GALNT13: variants seen among roughly 807,000 people sequenced by gnomAD.
The protein encoded by GALNT13 is polypeptide N-acetylgalactosaminyltransferase 13.
In GALNT13, 28 loss-of-function variants were observed where a neutral mutation model predicts 64.2. The observed-to-expected ratio is 0.44, with a 90% CI of 0.32 to 0.60. GALNT13 has a LOEUF of 0.60. Among genes scored for constraint, GALNT13 ranks in the 20% least tolerant of loss-of-function variants. The pLI is 0.05. For synonymous variants in GALNT13, 214 were observed against 224.6 expected, an observed-to-expected ratio of 0.95 and a Z score of 0.42; for missense variants, 577 against 669.8, an observed-to-expected ratio of 0.86 and a Z score of 1.53.
At chr2:153,558,209 A>G in the GALNT13 span, among the ~76,000 whole-genome samples, 1 of 152,152 alleles carries the variant, frequency 6.6e-6, no homozygotes, top group Non-Finnish European at 1.5e-5. Context: ...GTATAACCTA[A>G]CCCTCGGTGC....
At chr2:154,313,191 A>G (rs1279734304) in intron 9 of GALNT13, among the ~76,000 whole-genome samples, 3 of 150,216 alleles carry the variant, frequency 2.0e-5, no homozygotes, top group Admixed American at 1.3e-4. Flanking sequence ...GTTCTAGCAT[A>G]TATGTACACA....
At chr2:153,867,052 T>G (rs961737374), upstream of GALNT13, among the ~76,000 whole-genome samples, 1 of 152,242 alleles carries the variant, frequency 6.6e-6, no homozygotes, top group African/African-American at 2.4e-5. Context: ...CCGTGCATTA[T>G]AAGAACAGTC....
intron 3 of GALNT13, among the ~76,000 whole-genome samples, chr2:154,074,675 G>A (rs1289241329): frequency 6.6e-6 from 1 of 151,860 alleles, no homozygotes; most frequent in East Asian, 1.9e-4. Context: ...GAACATAAAT[G>A]TAAAAATCCT....
the GALNT13 span, among the ~76,000 whole-genome samples, chr2:153,581,493 T>C: frequency 6.6e-6 from 1 of 152,128 alleles, no homozygotes; most frequent in South Asian, 2.1e-4. Context: ...ATATATTTTT[T>C]TAAATTGGCA....
chr2:154,382,763 A>G (rs991022777), intron 9 of GALNT13, among the ~76,000 whole-genome samples: 15 of 149,890 alleles, frequency 1.0e-4, no homozygotes, highest in Non-Finnish European at 1.8e-4. Flanking sequence ...CTTTCAATCC[A>G]CAAATAACAT....
At chr2:153,406,127 C>T in the GALNT13 span, among the ~76,000 whole-genome samples, 2 of 152,150 alleles carry the variant, frequency 1.3e-5, no homozygotes, top group African/African-American at 4.8e-5. Context: ...CACTGGAATA[C>T]AGAGGAACAC....
the GALNT13 span, among the ~76,000 whole-genome samples, chr2:153,122,814 AC>A: frequency 2.0e-5 from 3 of 151,258 alleles, no homozygotes; most frequent in East Asian, 1.9e-4. Context: ...GTTTAATTAT[AC>A]CCCCTCCCCC....
At chr2:153,082,573 TTATATATATATATA>T in the GALNT13 span, among the ~76,000 whole-genome samples, 579 of 40,458 alleles carry the variant, frequency 0.014, 5 homozygotes, top group African/African-American at 0.016. Context: ...TTAGGCTGGT[TTATATATATATATA>T]TATATATATA....
intron 3 of GALNT13, among the ~76,000 whole-genome samples, chr2:153,988,037 CA>C (rs1163177168): frequency 2.0e-5 from 3 of 148,886 alleles, no homozygotes; most frequent in African/African-American, 7.4e-5. Flanking sequence ...TAATTGTATA[CA>C]TTTGAGGGTA....
At chr2:154,085,450 G>A (rs1471199151) in intron 3 of GALNT13, among the ~76,000 whole-genome samples, 1 of 151,954 alleles carries the variant, frequency 6.6e-6, no homozygotes, top group Admixed American at 6.6e-5. Context: ...ACAAATTGGG[G>A]AAAACACAGA....
the GALNT13 span, among the ~76,000 whole-genome samples, chr2:153,753,978 G>A: frequency 2.6e-5 from 4 of 152,274 alleles, no homozygotes; most frequent in Admixed American, 6.5e-5. Flanking sequence ...GAGGAGCCTC[G>A]CCTCATGGCC....
the GALNT13 span, among the ~76,000 whole-genome samples, chr2:153,647,941 C>T: frequency 6.6e-6 from 1 of 152,108 alleles, no homozygotes; most frequent in Non-Finnish European, 1.5e-5. Context: ...ATTGAATTGG[C>T]AATGTGGGCT....
chr2:153,535,463 T>C, the GALNT13 span, among the ~76,000 whole-genome samples: 1 of 152,102 alleles, frequency 6.6e-6, no homozygotes, highest in African/African-American at 2.4e-5. Flanking sequence ...GCAGGGCATG[T>C]ATGAGTAGTT....
chr2:153,523,121 A>G, the GALNT13 span, among the ~76,000 whole-genome samples: 1 of 131,188 alleles, frequency 7.6e-6, no homozygotes, highest in African/African-American at 3.1e-5. Flanking sequence ...TTCTCCTTTC[A>G]ATTGCGTTGG....
the GALNT13 span, among the ~76,000 whole-genome samples, chr2:153,288,137 G>A: frequency 6.6e-6 from 1 of 152,160 alleles, no homozygotes; most frequent in Admixed American, 6.5e-5. Flanking sequence ...ATGGATCCTA[G>A]AGATAGAGCC....
intron 4 of GALNT13, among the ~76,000 whole-genome samples, chr2:154,172,597 C>T (rs770150235): frequency 3.9e-5 from 6 of 151,978 alleles, no homozygotes; most frequent in Non-Finnish European, 5.9e-5. Context: ...GTTCCATTCA[C>T]GTTGCTGCAA....
the GALNT13 span, among the ~76,000 whole-genome samples, chr2:153,443,331 T>C: frequency 6.6e-6 from 1 of 152,154 alleles, no homozygotes; most frequent in Admixed American, 6.6e-5. Flanking sequence ...GCTTCCTGGG[T>C]GTGTTGACAC....
the GALNT13 span, among the ~76,000 whole-genome samples, chr2:153,544,424 A>G: frequency 6.6e-6 from 1 of 152,176 alleles, no homozygotes; most frequent in Non-Finnish European, 1.5e-5. Flanking sequence ...TCATAATACA[A>G]GCATTGCATG....
At chr2:153,840,469 G>A in the GALNT13 span, among the ~76,000 whole-genome samples, 1 of 152,034 alleles carries the variant, frequency 6.6e-6, no homozygotes, top group Non-Finnish European at 1.5e-5. Flanking sequence ...TTATCATATT[G>A]AGAAGGAGAA....
Sources: allele counts gnomAD v4.1 joint callset (sites outside exome capture counted in the v4.1 genomes callset), GRCh38; gene constraint gnomAD v4.1.1; transcripts MANE v1.5; gene names NCBI Gene and HGNC (gene_info 2026-07-23, HGNC 2026-07-21).